KIF21A: variants seen among roughly 807,000 people sequenced by gnomAD.
KIF21A encodes kinesin-like protein KIF21A.
KIF21A carries 114 observed loss-of-function variants against 202.9 expected under a neutral mutation model. The observed-to-expected ratio is 0.56, with a 90% CI of 0.48 to 0.66. KIF21A has a LOEUF of 0.66. Ranked by LOEUF, KIF21A falls within the 30% of genes least tolerant of loss-of-function variation. The pLI, the probability that KIF21A is intolerant of heterozygous loss-of-function variation, is 0.00. For synonymous variants in KIF21A, 667 were observed against 670.8 expected, an observed-to-expected ratio of 0.99 and a Z score of 0.09; for missense variants, 1,677 against 1,994.9, an observed-to-expected ratio of 0.84 and a Z score of 3.04.
rs1251853630 is a variant in KIF21A, at chr12:39,442,704, G to C, written c.44+223C>G. On this transcript the variant is annotated intron_variant, in intron 1 of 37. Coordinates refer to ENST00000361418, the MANE Select transcript of KIF21A (RefSeq NM_001173464.2). The surrounding 1 kb of genome is among the most constrained non-coding windows in gnomAD (Gnocchi z 5.0). Reference sequence around the variant, plus strand: ...GGCGCCGCGCAGCCGCCAGCCACCTGCAAACACAGACGGCGTGAGGGCGGC... The same window carrying C: ...GGCGCCGCGCAGCCGCCAGCCACCTCCAAACACAGACGGCGTGAGGGCGGC... Among the ~76,000 whole-genome samples the C allele has an allele frequency of 1.3e-5, 2 of 152,110 alleles. No individual in the cohort carries two copies. Among genetic ancestry groups the C allele is most frequent in the Non-Finnish European group, 2.9e-5 (2 of 68,006 alleles).
At chr12:39,358,967 T>C (rs1949002792) in intron 7 of KIF21A, among the ~76,000 whole-genome samples, 1 of 152,182 alleles carries the variant, frequency 6.6e-6, no homozygotes, top group African/African-American at 2.4e-5. Flanking sequence ...CACCGAAGAT[T>C]AGGATAGTGA....
At chr12:39,352,646 C>T (rs896029781) in intron 10 of KIF21A, among the ~76,000 whole-genome samples, 2 of 152,158 alleles carry the variant, frequency 1.3e-5, no homozygotes, top group East Asian at 1.9e-4. Flanking sequence ...ACAATAGTAG[C>T]ATTTCCAAAA....
intron 1 of KIF21A, among the ~76,000 whole-genome samples, chr12:39,374,570 T>C (rs891758915): frequency 6.6e-6 from 1 of 152,198 alleles, no homozygotes; most frequent in African/African-American, 2.4e-5. Flanking sequence ...TAGCAAATGA[T>C]TCTTTGAAGA....
chr12:39,424,307 C>A (rs1954578593), intron 1 of KIF21A, among the ~76,000 whole-genome samples: 1 of 152,150 alleles, frequency 6.6e-6, no homozygotes, highest in Non-Finnish European at 1.5e-5. Flanking sequence ...CCGCTCTTCT[C>A]CAGTATCCTT....
At chr12:39,305,745 T>C (rs1468767291) in intron 34 of KIF21A, among the ~76,000 whole-genome samples, 1 of 152,206 alleles carries the variant, frequency 6.6e-6, no homozygotes, top group Admixed American at 6.5e-5. Flanking sequence ...ATCTGCTAAA[T>C]GTCTGAATAT....
chr12:39,363,862 A>G (rs1336152495), intron 6 of KIF21A, among the ~76,000 whole-genome samples: 1 of 152,188 alleles, frequency 6.6e-6, no homozygotes, highest in Non-Finnish European at 1.5e-5. Flanking sequence ...TACTGAAAAT[A>G]CAAAAATCAG....
intron 8 of KIF21A, 44 bp from the exon 9 acceptor site, chr12:39,357,481 A>C (rs762477221): frequency 2.6e-6 from 4 of 1,525,128 alleles, no homozygotes; most frequent in Non-Finnish European, 2.7e-6. Context: ...GGAGCCTTAA[A>C]AACACAAGAG....
chr12:39,353,568 C>G (rs1565921060), intron 10 of KIF21A, among the ~76,000 whole-genome samples: 1 of 151,818 alleles, frequency 6.6e-6, no homozygotes, highest in African/African-American at 2.4e-5. Flanking sequence ...AGCACAAAGC[C>G]TAGGTACCTA....
chr12:39,321,000 C>T (rs1945184903), intron 27 of KIF21A, among the ~76,000 whole-genome samples: 1 of 140,950 alleles, frequency 7.1e-6, no homozygotes, highest in South Asian at 2.3e-4. Flanking sequence ...GACAGCAACA[C>T]TTCCAGAATG....
Position 39,337,149 on chromosome 12 carries a change from A to T in KIF21A, c.2365T>A (p.Ser789Thr). The T allele has an allele frequency of 6.2e-7, 1 of 1,612,642 alleles. No homozygotes were observed. The highest frequency in any genetic ancestry group is 8.5e-7 in the Non-Finnish European group (1 of 1,179,560). Residue 789 changes from serine to threonine, a missense_variant, in exon 17 of 38, where the codon TCT becomes ACT. Physicochemically the swap from Ser to Thr is moderately conservative, Grantham distance 58. Coordinates refer to ENST00000361418, the MANE Select transcript of KIF21A (RefSeq NM_001173464.2). ...EEQEKARLTE[S>T]RRNREIAQLK... The stretch of plus-strand genomic sequence containing the variant: ...TGAGCAATCTCTCTGTTTCTTCTAG[A>T]CTCAGTCAGTCTGGCTTTCTCTTGT...
intron 33 of KIF21A, 39 bp downstream of exon 33, chr12:39,309,547 C>G (rs772894074): frequency 7.3e-7 from 1 of 1,377,862 alleles, no homozygotes; most frequent in Non-Finnish European, 1.0e-6. Context: ...AAAAGAAGAG[C>G]TATTCCTCCT....
In KIF21A at chr12:39,346,527, A is replaced by G. The variant is rs1166780424; in HGVS notation, c.1674-23T>C. The G allele has an allele frequency of 8.3e-6, 12 of 1,449,992 alleles. No individual in the cohort carries two copies. In the East Asian group the frequency reaches 2.1e-4, roughly 26 times the overall value. 89.8% of individuals were successfully genotyped at this position (1,449,992 alleles called of 1,614,324 possible). ...AGCCTTCAAAATCACGAGGCACAGT[A>G]TTGGAAGGCCAAGCCAATGAAGGAC... On this transcript the variant is annotated intron_variant, in intron 11 of 37. Transcript: ENST00000361418.
Position 39,400,177 on chromosome 12 carries a change from A to G in KIF21A, c.45-29916T>C, listed in dbSNP as rs185557998. Among the ~76,000 whole-genome samples the G allele has an allele frequency of 5.4e-3, 823 of 152,310 alleles. 10 individuals are homozygous for G. Among genetic ancestry groups the G allele is most frequent in the African/African-American group, 0.018 (768 of 41,554 alleles). ...CCACGGTTTACAATTTTCTTTACTTATGGTTGAAAGTTATTAATGCTCAGC... is the reference window on the plus strand; with the variant it reads ...CCACGGTTTACAATTTTCTTTACTTGTGGTTGAAAGTTATTAATGCTCAGC... On this transcript the variant is annotated intron_variant, in intron 1 of 37. Coordinates refer to ENST00000361418, the MANE Select transcript of KIF21A (RefSeq NM_001173464.2).
At chr12:39,423,179 C>A (rs1017581836) in intron 1 of KIF21A, among the ~76,000 whole-genome samples, 1 of 152,160 alleles carries the variant, frequency 6.6e-6, no homozygotes, top group Admixed American at 6.6e-5. Context: ...ACCTGCTCAT[C>A]CCCTGAGGAC....
chr12:39,358,038 C>A (rs749608450), intron 8 of KIF21A, 140 bp downstream of exon 8: 2 of 664,656 alleles, frequency 3.0e-6, no homozygotes, highest in African/African-American at 3.7e-5. Context: ...AAACTAGAGA[C>A]TCTTACCTCC....
intron 1 of KIF21A, among the ~76,000 whole-genome samples, chr12:39,396,050 C>G (rs561712572): frequency 1.3e-5 from 2 of 152,014 alleles, no homozygotes; most frequent in Admixed American, 6.6e-5. Flanking sequence ...GGGGGAGGCA[C>G]GAACAATTAG....
At chr12:39,317,627 A>T (rs746372409) in intron 29 of KIF21A, among the ~76,000 whole-genome samples, 2 of 152,164 alleles carry the variant, frequency 1.3e-5, no homozygotes, top group African/African-American at 2.4e-5. Context: ...CAATCAGATG[A>T]CAAAAACGTG....
chr12:39,320,059 C>T, intron 27 of KIF21A, 46 bp from the exon 28 acceptor site: 1 of 1,125,206 alleles, frequency 8.9e-7, no homozygotes, highest in Non-Finnish European at 1.3e-6. Flanking sequence ...TAAATTTGCA[C>T]ATACAACTTT....
chr12:39,331,032 T>A (rs1180123150), intron 22 of KIF21A, 121 bp from the exon 23 acceptor site: 1 of 914,614 alleles, frequency 1.1e-6, no homozygotes, highest in African/African-American at 1.6e-5. Flanking sequence ...CCTCGAGTCA[T>A]CCCAGCTCCT....
Sources: gnomAD v4.1 joint callset for allele counts (sites outside exome capture counted in the v4.1 genomes callset) on GRCh38, gnomAD v4.1.1 for gene constraint, Gnocchi (gnomAD v3.1) non-coding constraint, MANE v1.5 for transcripts, NCBI Gene and HGNC (gene_info 2026-07-23, HGNC 2026-07-21) for gene names.